The following VPS13B variants were observed in gnomAD, a reference collection of about 807,000 sequenced individuals.
VPS13B encodes the protein vacuolar protein sorting 13 homolog B, also known as intermembrane lipid transfer protein VPS13B.
In VPS13B, 285 loss-of-function variants were observed where a neutral mutation model predicts 426.4. The observed-to-expected ratio is 0.67, with a 90% confidence interval of 0.61 to 0.74. VPS13B has a LOEUF of 0.74. Ranked by LOEUF, VPS13B falls within the 30% of genes least tolerant of loss-of-function variation. The pLI, the probability that VPS13B is intolerant of heterozygous loss-of-function variation, is 0.00. For missense variants in VPS13B, 4,537 were observed against 4,782.6 expected (o/e 0.95, Z 1.51); for synonymous variants, 1,676 against 1,676.4 (o/e 1.00, Z 0.01).
intron 42 of VPS13B, 40 bp downstream of exon 42, chr8:99,779,071 T>C (rs748353623): frequency 1.0e-5 from 16 of 1,560,716 alleles, no homozygotes; most frequent in East Asian, 2.2e-5. Flanking sequence ...TGGCCACATA[T>C]GATCTTTTAT....
chr8:99,584,806 G>A (rs553900543), intron 33 of VPS13B, among the ~76,000 whole-genome samples: 4 of 152,042 alleles, frequency 2.6e-5, no homozygotes, highest in South Asian at 2.1e-4. Context: ...CCTCCTATGC[G>A]TCAAATACTA....
intron 19 of VPS13B, among the ~76,000 whole-genome samples, chr8:99,356,159 A>C (rs1812170652): frequency 6.6e-6 from 1 of 152,212 alleles, no homozygotes; most frequent in African/African-American, 2.4e-5. Flanking sequence ...AAACTGATTT[A>C]AGTCTCAGCA....
chr8:99,859,252 G>T, intron 56 of VPS13B, 52 bp from the exon 57 acceptor site: 1 of 1,609,648 alleles, frequency 6.2e-7, no homozygotes, highest in Non-Finnish European at 8.5e-7. Flanking sequence ...CACAAATGTT[G>T]AAAGTTCTGC....
At chr8:99,634,938 T>C (rs576997013) in intron 33 of VPS13B, among the ~76,000 whole-genome samples, 1 of 152,056 alleles carries the variant, frequency 6.6e-6, no homozygotes, top group East Asian at 1.9e-4. Flanking sequence ...AAAAATATAT[T>C]CTTATTGTTG....
intron 3 of VPS13B, among the ~76,000 whole-genome samples, chr8:99,066,782 C>T (rs1844542685): frequency 3.3e-5 from 5 of 152,088 alleles, no homozygotes; most frequent in African/African-American, 9.7e-5. Context: ...CCAGAATCTG[C>T]AAAGAACTTA....
At chr8:99,636,644 T>G (rs1432235562) in intron 33 of VPS13B, among the ~76,000 whole-genome samples, 1 of 152,010 alleles carries the variant, frequency 6.6e-6, no homozygotes, top group Non-Finnish European at 1.5e-5. Context: ...ATTGTGCAGC[T>G]TTTATATGGA....
intron 2 of VPS13B, among the ~76,000 whole-genome samples, chr8:99,027,520 A>G (rs917256330): frequency 8.1e-6 from 1 of 123,156 alleles, no homozygotes; most frequent in African/African-American, 3.0e-5. Flanking sequence ...TCCCTTAATC[A>G]TTTCTTCTAC....
chr8:99,101,956 A>C (rs1254059530), intron 4 of VPS13B, among the ~76,000 whole-genome samples: 1 of 152,156 alleles, frequency 6.6e-6, no homozygotes, highest in East Asian at 1.9e-4. Context: ...ATTACCTTTT[A>C]GTTAGCTTTT....
intron 29 of VPS13B, among the ~76,000 whole-genome samples, chr8:99,515,389 G>GCTGCTT (rs1563771145): frequency 4.0e-5 from 6 of 151,404 alleles, no homozygotes; most frequent in Non-Finnish European, 5.9e-5. Context: ...TGCTGCTGCT[G>GCTGCTT]CTGCTTCTGC....
At chr8:99,067,608 G>A (rs1356971090) in intron 3 of VPS13B, among the ~76,000 whole-genome samples, 7 of 152,208 alleles carry the variant, frequency 4.6e-5, no homozygotes, top group East Asian at 1.9e-4. Flanking sequence ...AAAACTGCAC[G>A]TTGTGCACAT....
At chr8:99,398,527 C>A (rs1814862635) in intron 21 of VPS13B, among the ~76,000 whole-genome samples, 1 of 152,076 alleles carries the variant, frequency 6.6e-6, no homozygotes, top group Admixed American at 6.5e-5. Flanking sequence ...CCTATGTACA[C>A]CAATCATTCA....
intron 29 of VPS13B, among the ~76,000 whole-genome samples, chr8:99,517,852 T>G (rs1230550444): frequency 1.3e-5 from 2 of 152,018 alleles, no homozygotes; most frequent in Non-Finnish European, 2.9e-5. Flanking sequence ...AAGCTGATTT[T>G]TTTTTGCGGT....
chr8:99,021,631 C>A (rs963257842), intron 2 of VPS13B, among the ~76,000 whole-genome samples: 3 of 149,250 alleles, frequency 2.0e-5, no homozygotes, highest in African/African-American at 7.5e-5. Context: ...AAAAAAAAAA[C>A]AAAAACACAA....
intron 3 of VPS13B, among the ~76,000 whole-genome samples, chr8:99,063,295 C>A (rs549270036): frequency 6.6e-6 from 1 of 152,170 alleles, no homozygotes; most frequent in Non-Finnish European, 1.5e-5. Context: ...TGCAAGGGGT[C>A]GGGGGATTTC....
intron 24 of VPS13B, among the ~76,000 whole-genome samples, chr8:99,470,404 G>A (rs541884795): frequency 7.9e-5 from 12 of 152,110 alleles, no homozygotes; most frequent in African/African-American, 2.9e-4. Context: ...GCAAAGGAAA[G>A]CATACTAAAT....
intron 33 of VPS13B, among the ~76,000 whole-genome samples, chr8:99,583,403 C>CTAA (rs1826167690): frequency 6.6e-6 from 1 of 152,104 alleles, no homozygotes; most frequent in African/African-American, 2.4e-5. Context: ...TGTTGTCTGG[C>CTAA]TAATATCTAC....
chr8:99,079,410 C>CA (rs1012317318), intron 3 of VPS13B, among the ~76,000 whole-genome samples: 15 of 152,070 alleles, frequency 9.9e-5, no homozygotes, highest in African/African-American at 3.6e-4. Flanking sequence ...CCCACCTCCC[C>CA]AAAATTGAAT....
In VPS13B at chr8:99,832,589, A is replaced by G. The variant is rs772361332; in HGVS notation, c.9551A>G (p.Glu3184Gly). ...AGCCTGCCAGCTATAGTTAGACCAGAGTTTCCCAGACAGAGTGTGGCAGTA... is the reference window on the plus strand; with the variant it reads ...AGCCTGCCAGCTATAGTTAGACCAGGGTTTCCCAGACAGAGTGTGGCAGTA... ...CWSLPAIVRP[E>G]FPRQSVAVPL... The change falls in exon 52 of 62, where the codon GAG (glutamate) becomes GGG (glycine). Residue 3184 changes from glutamate (E) to glycine (G), a missense_variant. By Grantham distance (98) the Glu-to-Gly change is moderately conservative. This residue lies in a region of VPS13B where 4,311 missense variants were observed against 4,474.3 expected (regional missense o/e 0.96). Transcript: ENST00000357162. The G allele has an allele frequency of 1.2e-5, 20 of 1,613,814 alleles. No homozygotes were observed. The highest frequency in any genetic ancestry group is 3.3e-4 in the Middle Eastern group (2 of 6,028).
chr8:99,461,367 C>T (rs898042612), intron 23 of VPS13B, among the ~76,000 whole-genome samples: 6 of 152,122 alleles, frequency 3.9e-5, no homozygotes, highest in Non-Finnish European at 8.8e-5. Flanking sequence ...CTCAGATTTT[C>T]ATTTTCATGA....
Sources: allele counts gnomAD v4.1 joint callset (sites outside exome capture counted in the v4.1 genomes callset), GRCh38; gene constraint gnomAD v4.1.1; regional missense constraint gnomAD v4.1.1; transcripts MANE v1.5; gene names NCBI Gene and HGNC (gene_info 2026-07-23, HGNC 2026-07-21).